PTPRT: variants seen among roughly 807,000 people sequenced by gnomAD.
The protein encoded by PTPRT is receptor-type tyrosine-protein phosphatase T.
A neutral mutation model predicts 176.8 loss-of-function variants in PTPRT; 56 were observed. The observed-to-expected ratio is 0.32, with a 90% CI of 0.26 to 0.40. PTPRT has a LOEUF of 0.40. Among genes scored for constraint, PTPRT ranks in the 10% least tolerant of loss-of-function variants. The pLI is 1.00. For missense variants in PTPRT, 1,540 were observed against 1,908.2 expected, an observed-to-expected ratio of 0.81 and a Z score of 3.60; for synonymous variants, 783 against 739.0, an observed-to-expected ratio of 1.06 and a Z score of -0.96.
At position 42,084,849 on chromosome 20, in the gene PTPRT, A is replaced by T; in HGVS notation, c.3973-4T>A. 1 of 1,417,076 alleles carries T rather than the reference A, an allele frequency of 7.1e-7. No individual in the cohort carries two copies. The highest frequency in any genetic ancestry group is 9.4e-7 in the Non-Finnish European group (1 of 1,067,838). The allele number at this position is 1,417,076 out of a possible 1,614,324, so 87.8% of individuals were successfully genotyped here. On this transcript the variant is annotated splice_polypyrimidine_tract_variant and splice_region_variant and intron_variant, in intron 28 of 30. Transcript: ENST00000373187. ...CTATACGATAACCATCCTGTGGCTGAGAACAGAGAGGCTGTTAGGGCTGTT... is the reference window on the plus strand; with the variant it reads ...CTATACGATAACCATCCTGTGGCTGTGAACAGAGAGGCTGTTAGGGCTGTT...
chr20:42,309,350 C>T (rs941282720), intron 12 of PTPRT, among the ~76,000 whole-genome samples: 1 of 152,132 alleles, frequency 6.6e-6, no homozygotes, highest in African/African-American at 2.4e-5. Context: ...TGCGAAACTG[C>T]ACCCACCCGC....
intron 7 of PTPRT, among the ~76,000 whole-genome samples, chr20:42,480,621 G>A (rs1391777974): frequency 2.0e-5 from 3 of 152,130 alleles, no homozygotes; most frequent in Non-Finnish European, 4.4e-5. Flanking sequence ...TAATTTTGAA[G>A]GATGATATGA....
At chr20:42,955,558 CACTT>C (rs1200017619) in intron 1 of PTPRT, among the ~76,000 whole-genome samples, 2 of 152,156 alleles carry the variant, frequency 1.3e-5, no homozygotes, top group Non-Finnish European at 2.9e-5. Flanking sequence ...TGATTATTAA[CACTT>C]ATTTATTATA....
chr20:42,800,107 T>G (rs1440036732), intron 2 of PTPRT, among the ~76,000 whole-genome samples: 1 of 152,236 alleles, frequency 6.6e-6, no homozygotes, highest in Non-Finnish European at 1.5e-5. Context: ...TTCATTTGTT[T>G]AATTCTTATA....
intron 2 of PTPRT, among the ~76,000 whole-genome samples, chr20:42,866,198 C>T (rs2078743125): frequency 6.6e-6 from 1 of 152,188 alleles, no homozygotes; most frequent in Non-Finnish European, 1.5e-5. Context: ...AACACTGGGC[C>T]AACACTTTCA....
chr20:43,059,925 G>A (rs1394970932), intron 1 of PTPRT, among the ~76,000 whole-genome samples: 1 of 152,052 alleles, frequency 6.6e-6, no homozygotes, highest in Non-Finnish European at 1.5e-5. Context: ...GTTGCAGTGA[G>A]CTGAGATTGT....
At chr20:42,122,693 C>T (rs1469295666) in intron 19 of PTPRT, among the ~76,000 whole-genome samples, 1 of 152,254 alleles carries the variant, frequency 6.6e-6, no homozygotes. Flanking sequence ...CAGTTTCACT[C>T]TGTAGCCTTG....
chr20:42,576,159 C>T (rs2073256561), intron 7 of PTPRT, among the ~76,000 whole-genome samples: 1 of 152,126 alleles, frequency 6.6e-6, no homozygotes, highest in Admixed American at 6.5e-5. Context: ...CCTCCTGGGC[C>T]TTTGTCCCTA....
At chr20:42,434,662 GAA>G (rs10626020) in intron 9 of PTPRT, among the ~76,000 whole-genome samples, 8 of 137,726 alleles carry the variant, frequency 5.8e-5, no homozygotes, top group Non-Finnish European at 3.1e-5. Flanking sequence ...ATCTTCATAA[GAA>G]AAAAAAAAAA....
the PTPRT span, among the ~76,000 whole-genome samples, chr20:42,063,115 G>C: frequency 6.6e-6 from 1 of 152,144 alleles, no homozygotes; most frequent in African/African-American, 2.4e-5. Context: ...TTACTTTTCC[G>C]GTGGCATAGG....
At chr20:42,375,574 C>G (rs192122627) in intron 9 of PTPRT, among the ~76,000 whole-genome samples, 1 of 152,192 alleles carries the variant, frequency 6.6e-6, no homozygotes, top group African/African-American at 2.4e-5. Flanking sequence ...TGGATCCGGG[C>G]TTCCCAGCCT....
chr20:43,141,414 G>A (rs935189016), intron 1 of PTPRT, among the ~76,000 whole-genome samples: 7 of 152,132 alleles, frequency 4.6e-5, no homozygotes, highest in African/African-American at 7.2e-5. Context: ...TGGGGCAACC[G>A]GGCCATGTAT....
At chr20:43,100,564 C>T (rs1325894196) in intron 1 of PTPRT, among the ~76,000 whole-genome samples, 1 of 152,170 alleles carries the variant, frequency 6.6e-6, no homozygotes, top group African/African-American at 2.4e-5. Flanking sequence ...AAGGATTCCC[C>T]CAAGCCCTAG....
intron 1 of PTPRT, among the ~76,000 whole-genome samples, chr20:42,960,551 T>A (rs1206405986): frequency 6.6e-6 from 1 of 152,180 alleles, no homozygotes; most frequent in African/African-American, 2.4e-5. Context: ...ACCTTAGTAA[T>A]AGCAAAATAT....
At chr20:42,153,307 T>C (rs1454562490) in intron 17 of PTPRT, among the ~76,000 whole-genome samples, 3 of 152,210 alleles carry the variant, frequency 2.0e-5, no homozygotes, top group Non-Finnish European at 4.4e-5. Flanking sequence ...TAGAAGCATA[T>C]ACTATCAGCC....
chr20:42,065,090 G>C, the PTPRT span, among the ~76,000 whole-genome samples: 1 of 152,188 alleles, frequency 6.6e-6, no homozygotes, highest in East Asian at 1.9e-4. Flanking sequence ...GAGTCGTCCT[G>C]GACATCCAGC....
intron 7 of PTPRT, among the ~76,000 whole-genome samples, chr20:42,495,296 G>T (rs1483916816): frequency 1.3e-5 from 2 of 152,190 alleles, no homozygotes; most frequent in Non-Finnish European, 2.9e-5. Context: ...GGTAGGTTCA[G>T]CACTTTAACT....
chr20:42,427,239 T>G (rs2059172981), intron 9 of PTPRT, among the ~76,000 whole-genome samples: 1 of 152,190 alleles, frequency 6.6e-6, no homozygotes, highest in Non-Finnish European at 1.5e-5. Context: ...AATACTTTAC[T>G]GAGGTTAAGA....
chr20:42,626,614 C>T (rs1352481924), intron 7 of PTPRT, among the ~76,000 whole-genome samples: 1 of 152,198 alleles, frequency 6.6e-6, no homozygotes, highest in Non-Finnish European at 1.5e-5. Context: ...CCAGCTAGGC[C>T]TCTTTAGTTG....
Sources: gnomAD v4.1 joint callset for allele counts (sites outside exome capture counted in the v4.1 genomes callset) on GRCh38, gnomAD v4.1.1 for gene constraint, MANE v1.5 for transcripts, NCBI Gene and HGNC (gene_info 2026-07-23, HGNC 2026-07-21) for gene names.